Variants in SERPINB7 observed in about 807,000 individuals in gnomAD.
SERPINB7 encodes serpin B7.
SERPINB7 carries 31 observed loss-of-function variants against 37.4 expected under a neutral mutation model. The observed-to-expected ratio is 0.83, with a 90% CI of 0.62 to 1.12. The LOEUF is 1.12. SERPINB7 is among the 50% of genes most tolerant of loss of function. The pLI is 0.00. For missense variants in SERPINB7, 521 were observed against 455.3 expected (o/e 1.14, Z -1.31); for synonymous variants, 163 against 166.1 (o/e 0.98, Z 0.14).
In SERPINB7 at chr18:63,798,672, G is replaced by A. The variant is rs780703038; in HGVS notation, c.523G>A (p.Val175Met). ...TGCTGTAATGGTGCTGGTGAATGCT[G>A]TGTACTTCAAAGGCAAGTGGCAATC... ...SSAVMVLVNA[V>M]YFKGKWQSAF... Residue 175 changes from valine (V) to methionine (M), a missense_variant, in exon 6 of 8, where the codon GTG (valine) becomes ATG (methionine). Coordinates refer to ENST00000398019, the MANE Select transcript of SERPINB7 (RefSeq NM_003784.4). 3.1e-6 allele frequency: 5 copies of A among 1,612,502 alleles called. No individual in the cohort carries two copies. In the African/African-American group the frequency reaches 6.7e-5, roughly 22 times the overall value.
chr18:63,783,754 C>A (rs925533480), intron 2 of SERPINB7, among the ~76,000 whole-genome samples: 1 of 152,134 alleles, frequency 6.6e-6, no homozygotes, highest in African/African-American at 2.4e-5. Context: ...CCCTTTCTGC[C>A]CCCACCTCCC....
rs112261250 is a variant in SERPINB7, at chr18:63,786,116, T to C, written c.168+3576T>C. Among the ~76,000 whole-genome samples the C allele has an allele frequency of 4.2e-3, 587 of 140,450 alleles. 30 individuals carry two copies. Among genetic ancestry groups the C allele is most frequent in the Middle Eastern group, 0.015 (4 of 274 alleles). The allele number at this position is 140,450 out of a possible 152,430, so 92.1% of individuals were successfully genotyped here. ...TAATATAAGTATATATATGTATATA[T>C]GTATATATATACGTATATACATATA... On this transcript the variant is annotated intron_variant, in intron 2 of 7. Transcript: ENST00000398019.
intron 4 of SERPINB7, 57 bp from the exon 5 acceptor site, chr18:63,796,209 C>T: frequency 1.0e-6 from 1 of 994,714 alleles, no homozygotes; most frequent in Non-Finnish European, 1.6e-6. Flanking sequence ...AAATACATTT[C>T]TTATATACTT....
intron 2 of SERPINB7, among the ~76,000 whole-genome samples, chr18:63,787,134 C>T (rs560458047): frequency 1.3e-5 from 2 of 152,090 alleles, no homozygotes; most frequent in Admixed American, 6.5e-5. Context: ...AAGTTTTGAC[C>T]GTGACACATC....
chr18:63,800,233 T>C (rs1433175529), intron 6 of SERPINB7, among the ~76,000 whole-genome samples: 18 of 152,004 alleles, frequency 1.2e-4, no homozygotes, highest in South Asian at 1.0e-3. Context: ...TTTATTTTAT[T>C]TTATTTTTAG....
At position 63,783,213 on chromosome 18, in the gene SERPINB7, AGAG is replaced by A. The variant is rs2049323980; in HGVS notation, c.168+674_168+676del. On this transcript the variant is annotated intron_variant, in intron 2 of 7. Coordinates refer to ENST00000398019, the MANE Select transcript of SERPINB7 (RefSeq NM_003784.4). ...GAGAGAGAGAGAGAGAGAGAGAGAG[AGAG>A]AGAGAGAGAGAGAGAGAGAAAGAAA... Among the ~76,000 whole-genome samples the A allele has an allele frequency of 2.1e-3, 166 of 77,944 alleles. No individual in the cohort carries two copies. The East Asian group carries it at 0.025, about 12-fold the overall frequency. 51.1% of individuals were successfully genotyped at this position (77,944 alleles called of 152,430 possible). A position where few individuals can be genotyped will look rare whatever the true frequency, so the allele number is the denominator to read the frequency against.
chr18:63,757,916 C>T (rs2144582100), intron 1 of SERPINB7, among the ~76,000 whole-genome samples: 1 of 152,284 alleles, frequency 6.6e-6, no homozygotes, highest in South Asian at 2.1e-4. Context: ...CCTATGAATC[C>T]CTAATCTGCT....
intron 3 of SERPINB7, among the ~76,000 whole-genome samples, chr18:63,792,719 A>G (rs183058040): frequency 5.4e-4 from 83 of 152,336 alleles, no homozygotes; most frequent in Middle Eastern, 3.4e-3. Context: ...GCAAAGAAAC[A>G]TGCTTTATTC....
chr18:63,773,239 T>C (rs1054446423), upstream of SERPINB7, among the ~76,000 whole-genome samples: 10 of 152,224 alleles, frequency 6.6e-5, no homozygotes, highest in African/African-American at 2.4e-4. Flanking sequence ...TTAGATTTGG[T>C]AAACAGAGTT....
intron 2 of SERPINB7, 117 bp from the exon 3 acceptor site, chr18:63,792,276 T>C (rs8093326): frequency 0.029 from 19,740 of 688,572 alleles, 406 homozygotes; most frequent in South Asian, 0.065. Flanking sequence ...CTAATGAACT[T>C]GGAATGGCAA....
chr18:63,762,037 C>G (rs1327644063), intron 1 of SERPINB7, among the ~76,000 whole-genome samples: 1 of 152,166 alleles, frequency 6.6e-6, no homozygotes, highest in Non-Finnish European at 1.5e-5. Flanking sequence ...CCATGTTGTC[C>G]AAACAGCATC....
rs545144431 is a variant in SERPINB7 at position 63,803,617 on chromosome 18, T to C, written c.745-620T>C. On this transcript the variant is annotated intron_variant, in intron 7 of 7. Transcript: ENST00000398019. ...GCTGTGTAACTAAGGTTGCTTGCTT[T>C]GCATTCAGGCATATCCAGCTACATC... Among the ~76,000 whole-genome samples, 116 of 152,344 alleles carry C rather than the reference T, an allele frequency of 7.6e-4. 1 individual carries two copies. The highest frequency in any genetic ancestry group is 2.7e-3 in the African/African-American group (112 of 41,584).
rs113736147 is a variant in SERPINB7 at position 63,786,128 on chromosome 18, C to T, written c.168+3588C>T. ...ATATATGTATATATGTATATATATA[C>T]GTATATACATATATACACACACACA... is the stretch of plus-strand genomic sequence containing the variant. On this transcript the variant is annotated intron_variant, in intron 2 of 7. Coordinates refer to ENST00000398019, the MANE Select transcript of SERPINB7 (RefSeq NM_003784.4). Among the ~76,000 whole-genome samples the T allele has an allele frequency of 6.1e-4, 75 of 123,312 alleles. 4 individuals are homozygous for T. Among genetic ancestry groups the T allele is most frequent in the South Asian group, 3.4e-3 (13 of 3,774 alleles). 80.9% of individuals were successfully genotyped at this position (123,312 alleles called of 152,430 possible).
At chr18:63,783,282 GAAAGAA>G (rs1568208082) in intron 2 of SERPINB7, among the ~76,000 whole-genome samples, 1 of 147,836 alleles carries the variant, frequency 6.8e-6, no homozygotes, top group Non-Finnish European at 1.5e-5. Flanking sequence ...AAGAAAGAAA[GAAAGAA>G]AGAAAGAAAT....
intron 2 of SERPINB7, among the ~76,000 whole-genome samples, chr18:63,783,229 AG>A (rs2049327464): frequency 4.8e-3 from 354 of 73,144 alleles, no homozygotes; most frequent in Middle Eastern, 7.8e-3. Flanking sequence ...AGAGAGAGAG[AG>A]AGAGAAAGAA....
chr18:63,763,608 A>G (rs1187556737), intron 1 of SERPINB7, among the ~76,000 whole-genome samples: 4 of 152,216 alleles, frequency 2.6e-5, no homozygotes, highest in African/African-American at 4.8e-5. Context: ...CAAAAATTAA[A>G]TATCTGATGT....
intron 1 of SERPINB7, among the ~76,000 whole-genome samples, chr18:63,769,154 T>G (rs892821153): frequency 3.3e-5 from 5 of 152,144 alleles, no homozygotes; most frequent in Admixed American, 6.6e-5. Flanking sequence ...AGATGTTTTA[T>G]TGGTGTCTCA....
At chr18:63,777,248 A>C (rs1344867958) in intron 1 of SERPINB7, among the ~76,000 whole-genome samples, 1 of 152,012 alleles carries the variant, frequency 6.6e-6, no homozygotes. Context: ...ATTGGTGTGA[A>C]TTTTTATTTT....
intron 2 of SERPINB7, among the ~76,000 whole-genome samples, chr18:63,788,824 A>G (rs1390225758): frequency 6.6e-6 from 1 of 152,250 alleles, no homozygotes; most frequent in African/African-American, 2.4e-5. Context: ...AGTCTTCAGT[A>G]CAGTAACATG....
Sources: allele counts gnomAD v4.1 joint callset (sites outside exome capture counted in the v4.1 genomes callset), GRCh38; gene constraint gnomAD v4.1.1; transcripts MANE v1.5; gene names NCBI Gene and HGNC (gene_info 2026-07-23, HGNC 2026-07-21).